The following NFYA variants were observed in gnomAD, a reference collection of about 807,000 sequenced individuals.
NFYA encodes CAAT-box DNA binding protein subunit A.
NFYA carries 28 observed loss-of-function variants against 52.8 expected under a neutral mutation model. The observed-to-expected ratio is 0.53, with a 90% CI of 0.39 to 0.73. NFYA has a LOEUF of 0.73. NFYA is among the 30% of genes least tolerant of loss of function. The probability of loss-of-function intolerance (pLI) is 0.00; values close to 1 mark genes in which losing one functional copy is unlikely to be tolerated. For synonymous variants in NFYA, 150 were observed against 150.7 expected, an observed-to-expected ratio of 1.00 and a Z score of 0.03; for missense variants, 234 against 427.0, an observed-to-expected ratio of 0.55 and a Z score of 3.98.
Position 41,101,799 on chromosome 6 carries a change from G to C in NFYA, c.*4389G>C, listed in dbSNP as rs544528917. On this transcript the variant is annotated 3_prime_UTR_variant, in exon 10 of 10. Transcript: ENST00000341376. ...GAAAAGGGCACCATCTCCAGCTCTT[G>C]GAAGCAGAGAGGGTGGTCCTTTGGA... 4.3e-4 allele frequency among the ~76,000 whole-genome samples: 66 copies of C among 152,156 alleles called. No homozygotes were observed. Among genetic ancestry groups the C allele is most frequent in the African/African-American group, 1.6e-3 (65 of 41,534 alleles).
At chr6:41,086,856 A>G (rs185813995) in intron 4 of NFYA, among the ~76,000 whole-genome samples, 2 of 152,328 alleles carry the variant, frequency 1.3e-5, no homozygotes, top group East Asian at 3.9e-4. Context: ...TATTTTAAAA[A>G]ATATTTGCTA....
At chr6:41,090,361 C>T (rs774176521) in intron 6 of NFYA, 52 bp downstream of exon 6, 5 of 1,098,016 alleles carry the variant, frequency 4.6e-6, no homozygotes, top group Non-Finnish European at 7.0e-6. Context: ...CTTTTTTGTC[C>T]CTTAGACAAC....
intron 3 of NFYA, among the ~76,000 whole-genome samples, chr6:41,083,280 A>G (rs1450918602): frequency 2.0e-5 from 3 of 152,178 alleles, no homozygotes; most frequent in East Asian, 3.8e-4. Flanking sequence ...TGAAATTTGT[A>G]CACTTGACTG....
At chr6:41,090,351 C>G (rs1365629123) in intron 6 of NFYA, 42 bp downstream of exon 6, 1 of 1,321,482 alleles carries the variant, frequency 7.6e-7, no homozygotes, top group Non-Finnish European at 1.1e-6. Context: ...TTTGGGGCAA[C>G]TTTTTTGTCC....
At chr6:41,086,664 A>G (rs1401936578) in intron 4 of NFYA, among the ~76,000 whole-genome samples, 1 of 152,184 alleles carries the variant, frequency 6.6e-6, no homozygotes, top group Non-Finnish European at 1.5e-5. Context: ...CTCATGAAAA[A>G]TTCTGCATAT....
At chr6:41,088,679 G>A (rs1207093199) in intron 4 of NFYA, among the ~76,000 whole-genome samples, 2 of 151,320 alleles carry the variant, frequency 1.3e-5, no homozygotes, top group East Asian at 4.1e-4. Context: ...CTGCCTCCCA[G>A]GCTCAAATGA....
rs990552701 is a variant in NFYA, at chr6:41,099,595, TC to T, written c.*2186del. Reference sequence around the variant, plus strand: ...GCAGGGTATTGACATTTGGATTTTTTCTTTGATACTAGTTCTTTTATTCATT... The same window carrying T: ...GCAGGGTATTGACATTTGGATTTTTTTTTGATACTAGTTCTTTTATTCATT... On this transcript the variant is annotated 3_prime_UTR_variant, in exon 10 of 10. Transcript: ENST00000341376. 1.3e-5 allele frequency: 2 copies of T among 152,262 alleles called. No homozygotes were observed. Among genetic ancestry groups the T allele is most frequent in the African/African-American group, 4.8e-5 (2 of 41,470 alleles). The allele number at this position is 152,262 out of a possible 1,614,324, so 9.4% of individuals were successfully genotyped here.
In NFYA at chr6:41,079,249, A is replaced by G. The variant is rs1421976554; in HGVS notation, c.75+85A>G. On this transcript the variant is annotated intron_variant, in intron 2 of 9. Transcript: ENST00000341376. ...ATTGGTTGGTCTATTGCCCTGGGGA[A>G]TTATTTGAAAGATACCAGATCTTGT... 1.4e-5 allele frequency: 18 copies of G among 1,271,396 alleles called. 1 individual carries two copies. The East Asian group carries it at 2.8e-4, about 20-fold the overall frequency. The allele number at this position is 1,271,396 out of a possible 1,614,324, so 78.8% of individuals were successfully genotyped here. A position where few individuals can be genotyped will look rare whatever the true frequency, so the allele number is the denominator to read the frequency against.
At chr6:41,091,079 G>A (rs1471842279) in intron 6 of NFYA, among the ~76,000 whole-genome samples, 7 of 152,236 alleles carry the variant, frequency 4.6e-5, no homozygotes, top group Non-Finnish European at 7.3e-5. Context: ...TGCTGCTATT[G>A]ATAGTCTGGG....
At position 41,099,422 on chromosome 6, in the gene NFYA, C is replaced by A. The variant is rs2113830953; in HGVS notation, c.*2012C>A. 6.6e-6 allele frequency: 1 copy of A among 152,292 alleles called. No homozygotes were observed. The highest frequency in any genetic ancestry group is 2.1e-4 in the South Asian group (1 of 4,828). 9.4% of individuals were successfully genotyped at this position (152,292 alleles called of 1,614,324 possible). Reference sequence around the variant, plus strand: ...GTAAGTTTGTACATAGTAATGCCAGCCTTGTTGCTGAATTTTTTATTTGGG... The same window carrying A: ...GTAAGTTTGTACATAGTAATGCCAGACTTGTTGCTGAATTTTTTATTTGGG... On this transcript the variant is annotated 3_prime_UTR_variant, in exon 10 of 10. Transcript: ENST00000341376.
Position 41,096,741 on chromosome 6 carries a change from C to T in NFYA, c.991-616C>T, listed in dbSNP as rs189750613. 3.9e-3 allele frequency among the ~76,000 whole-genome samples: 594 copies of T among 152,206 alleles called. 11 individuals carry two copies. In the South Asian group the frequency reaches 0.059, roughly 15 times the overall value. On this transcript the variant is annotated intron_variant, in intron 9 of 9. Transcript: ENST00000341376. ...CCAAGGATTTATCCTTGTGTTAACA[C>T]GGTAGGTCTTAAGTGAGAAACAGCA...
At position 41,079,053 on chromosome 6, in the gene NFYA, ATC is replaced by A. The variant is rs765442857; in HGVS notation, c.-34_-33del. ...GGAGTGTACCTCACAGCCTTCTAGG[ATC>A]TCCAGAGTGGACAGGAATCTCACTT... On this transcript the variant is annotated 5_prime_UTR_variant, in exon 2 of 10. Transcript: ENST00000341376. 6.2e-7 allele frequency: 1 copy of A among 1,601,562 alleles called. No individual in the cohort carries two copies.
intron 3 of NFYA, among the ~76,000 whole-genome samples, chr6:41,081,971 C>G (rs578008292): frequency 2.0e-5 from 3 of 152,220 alleles, no homozygotes. Context: ...CAGCACTAGT[C>G]TACTCTGTGT....
At position 41,099,229 on chromosome 6, in the gene NFYA, T is replaced by C. The variant is rs1382316240; in HGVS notation, c.*1819T>C. The C allele has an allele frequency of 6.6e-6, 1 of 152,250 alleles. No individual in the cohort carries two copies. Among genetic ancestry groups the C allele is most frequent in the Non-Finnish European group, 1.5e-5 (1 of 68,048 alleles). The allele number at this position is 152,250 out of a possible 1,614,324, so 9.4% of individuals were successfully genotyped here. ...CTACAAGAGTTTGGGATATTAATGT[T>C]ATTCAGTAAGTCCCAAGTTTTTCAG... On this transcript the variant is annotated 3_prime_UTR_variant, in exon 10 of 10. Transcript: ENST00000341376.
chr6:41,080,336 A>G (rs1048842367), intron 2 of NFYA, among the ~76,000 whole-genome samples: 3 of 152,194 alleles, frequency 2.0e-5, no homozygotes, highest in Admixed American at 2.0e-4. Flanking sequence ...GTTTTGGGAC[A>G]TGAGAGCATT....
chr6:41,083,901 T>G, intron 3 of NFYA, 145 bp from the exon 4 acceptor site: 4 of 705,632 alleles, frequency 5.7e-6, no homozygotes, highest in Non-Finnish European at 8.8e-6. Flanking sequence ...AAAGATAACT[T>G]GAGGACTTGA....
chr6:41,078,155 G>A (rs923161457), intron 1 of NFYA, among the ~76,000 whole-genome samples: 2 of 152,004 alleles, frequency 1.3e-5, no homozygotes, highest in African/African-American at 4.8e-5. Context: ...TCCATTTTTT[G>A]ATGCATTTCA....
chr6:41,080,295 A>G lies in NFYA; in HGVS notation c.76-516A>G, dbSNP rs1685225581. 2.6e-5 allele frequency among the ~76,000 whole-genome samples: 4 copies of G among 152,126 alleles called. No individual in the cohort carries two copies. The South Asian group carries it at 6.2e-4, about 24-fold the overall frequency. ...CAAGACCCCATCTCAAAATAAGTAC[A>G]TAAATAAAGTTTAAAAAAAAAAGAA... On this transcript the variant is annotated intron_variant, in intron 2 of 9. Coordinates refer to ENST00000341376, the MANE Select transcript of NFYA (RefSeq NM_002505.5).
At position 41,099,211 on chromosome 6, in the gene NFYA, A is replaced by G. The variant is rs989455278; in HGVS notation, c.*1801A>G. 6.6e-6 allele frequency: 1 copy of G among 152,242 alleles called. No individual in the cohort carries two copies. The highest frequency in any genetic ancestry group is 2.4e-5 in the African/African-American group (1 of 41,472). 9.4% of individuals were successfully genotyped at this position (152,242 alleles called of 1,614,324 possible). A position where few individuals can be genotyped will look rare whatever the true frequency, so the allele number is the denominator to read the frequency against. ...CACTAGAAACTTCTAGCTCTACAAGAGTTTGGGATATTAATGTTATTCAGT... is the reference window on the plus strand; with the variant it reads ...CACTAGAAACTTCTAGCTCTACAAGGGTTTGGGATATTAATGTTATTCAGT... On this transcript the variant is annotated 3_prime_UTR_variant, in exon 10 of 10. Coordinates refer to ENST00000341376, the MANE Select transcript of NFYA (RefSeq NM_002505.5).
Sources: allele counts gnomAD v4.1 joint callset (sites outside exome capture counted in the v4.1 genomes callset), GRCh38; gene constraint gnomAD v4.1.1; transcripts MANE v1.5; gene names NCBI Gene and HGNC (gene_info 2026-07-23, HGNC 2026-07-21).